The following GNAS variants were observed in gnomAD, a reference collection of about 807,000 sequenced individuals.
GNAS encodes the protein GNAS complex locus, also known as protein ALEX.
Under a neutral mutation model 54.5 loss-of-function variants are expected in GNAS, and 8 were observed. The observed-to-expected ratio is 0.15, with a 90% CI of 0.09 to 0.26. GNAS has a LOEUF of 0.26. Ranked by LOEUF, GNAS falls within the 10% of genes least tolerant of loss-of-function variation. The pLI is 1.00. For synonymous variants in GNAS, 204 were observed against 191.4 expected, an observed-to-expected ratio of 1.07 and a Z score of -0.54; for missense variants, 170 against 529.8, an observed-to-expected ratio of 0.32 and a Z score of 6.67.
intron 1 of GNAS, among the ~76,000 whole-genome samples, chr20:58,883,529 G>A (rs1030962197): frequency 1.3e-5 from 2 of 152,124 alleles, no homozygotes; most frequent in Non-Finnish European, 2.9e-5. Context: ...CTTGCCGCTT[G>A]GGCTGAATAA....
intron 1 of GNAS, among the ~76,000 whole-genome samples, chr20:58,846,701 C>G (rs376218570): frequency 3.1e-4 from 47 of 152,192 alleles, no homozygotes; most frequent in African/African-American, 9.4e-4. Context: ...CATGTGAGAG[C>G]TGGTTTCTGA....
At position 58,899,604 on chromosome 20, in the gene GNAS, C is replaced by T. The variant is rs79964176; in HGVS notation, c.257+619C>T. On this transcript the variant is annotated intron_variant, in intron 3 of 12. Transcript: ENST00000371085. Reference sequence around the variant, plus strand: ...TGATGGCATCTTTTATTTTTCCATTCATTATCAAATTATTTTTTCTTTGCT... The same window carrying T: ...TGATGGCATCTTTTATTTTTCCATTTATTATCAAATTATTTTTTCTTTGCT... 166 of 582,874 alleles carry T rather than the reference C, an allele frequency of 2.8e-4. No homozygotes were observed. The East Asian group carries it at 5.8e-3, about 20-fold the overall frequency. 36.1% of individuals were successfully genotyped at this position (582,874 alleles called of 1,614,324 possible).
intron 1 of GNAS, among the ~76,000 whole-genome samples, chr20:58,846,670 C>T (rs754823030): frequency 4.6e-5 from 7 of 152,216 alleles, no homozygotes; most frequent in Non-Finnish European, 1.0e-4. Flanking sequence ...CAGAAGACCA[C>T]GTTTCTTCTC....
At chr20:58,854,745 G>A in intron 1 of GNAS, 3 of 1,542,252 alleles carry the variant, frequency 1.9e-6, no homozygotes, top group Non-Finnish European at 8.7e-7. Flanking sequence ...TGCGCCAGAC[G>A]CAGGGGCTCC....
At chr20:58,842,098 G>C (rs1033670589) in intron 1 of GNAS, 1 of 402,214 alleles carries the variant, frequency 2.5e-6, no homozygotes, top group Non-Finnish European at 4.4e-6. Context: ...TTTTCAGCAC[G>C]GGTAGAGTTA....
At chr20:58,859,223 CAA>C (rs1306299861) in intron 1 of GNAS, among the ~76,000 whole-genome samples, 1 of 152,192 alleles carries the variant, frequency 6.6e-6, no homozygotes, top group Non-Finnish European at 1.5e-5. Context: ...TGATTTGAAA[CAA>C]AGTCTCCCTC....
chr20:58,893,975 T>C (rs1244131940), intron 1 of GNAS, among the ~76,000 whole-genome samples: 2 of 152,266 alleles, frequency 1.3e-5, no homozygotes, highest in African/African-American at 4.8e-5. Context: ...GATGTATTGA[T>C]TGCCTCTGGC....
intron 1 of GNAS, among the ~76,000 whole-genome samples, chr20:58,867,152 C>T (rs955121803): frequency 2.6e-5 from 4 of 152,108 alleles, no homozygotes; most frequent in African/African-American, 4.8e-5. Flanking sequence ...ATTTTGCCTG[C>T]GAAAGTGCAA....
intron 1 of GNAS, among the ~76,000 whole-genome samples, chr20:58,846,725 T>C (rs1358393671): frequency 6.6e-6 from 1 of 152,224 alleles, no homozygotes; most frequent in East Asian, 1.9e-4. Context: ...TCCTGGCTTA[T>C]GTCGCTGTCT....
intron 3 of GNAS, chr20:58,900,360 TA>T (rs2146107742): frequency 4.2e-6 from 1 of 237,958 alleles, no homozygotes; most frequent in African/African-American, 2.2e-5. Flanking sequence ...TGCAAGTCAA[TA>T]TAAGTATTAA....
chr20:58,840,370 C>G (rs951583745), upstream of GNAS: 1 of 1,613,336 alleles, frequency 6.2e-7, no homozygotes, highest in African/African-American at 1.3e-5. The surrounding 1 kb of genome is among the most constrained non-coding windows in gnomAD (Gnocchi z 6.0). Flanking sequence ...ACCACGAGCA[C>G]GAGGAGGCAG....
At chr20:58,898,564 AG>A in intron 2 of GNAS, 1 of 269,574 alleles carries the variant, frequency 3.7e-6, no homozygotes, top group Non-Finnish European at 7.2e-6. Context: ...TGGGAGAATT[AG>A]GAGCCTTATG....
chr20:58,908,112 G>A (rs2146252067), intron 6 of GNAS, among the ~76,000 whole-genome samples: 1 of 152,304 alleles, frequency 6.6e-6, no homozygotes, highest in East Asian at 1.9e-4. Context: ...AAAAGGAAGA[G>A]GGGAACAGAA....
At position 58,909,088 on chromosome 20, in the gene GNAS, G is replaced by A; in HGVS notation, c.531-74G>A. ...GGTCACTTCCGTTGAGCCTGACCTTGTAGAGAGACACAAATAGTTGGCAAA... is the reference window on the plus strand; with the variant it reads ...GGTCACTTCCGTTGAGCCTGACCTTATAGAGAGACACAAATAGTTGGCAAA... On this transcript the variant is annotated intron_variant, in intron 6 of 12. Coordinates refer to ENST00000371085, the MANE Select transcript of GNAS (RefSeq NM_000516.7). This position sits in a 1 kb window ranked among gnomAD's most constrained non-coding sequence, Gnocchi z 7.3. 7.9e-7 allele frequency: 1 copy of A among 1,270,468 alleles called. No homozygotes were observed. The highest frequency in any genetic ancestry group is 1.7e-5 in the Admixed American group (1 of 59,646). 78.7% of individuals were successfully genotyped at this position (1,270,468 alleles called of 1,614,324 possible).
chr20:58,895,390 T>C, intron 1 of GNAS: 1 of 546,464 alleles, frequency 1.8e-6, no homozygotes, highest in East Asian at 3.1e-5. Context: ...CTTAAATTCT[T>C]GTTTGTTATT....
chr20:58,910,552 C>T lies in GNAS; in HGVS notation c.1039-131C>T, dbSNP rs1208077863. 2.4e-6 allele frequency: 3 copies of T among 1,236,230 alleles called. No homozygotes were observed. The African/African-American group carries it at 4.4e-5, about 18-fold the overall frequency. 76.6% of individuals were successfully genotyped at this position (1,236,230 alleles called of 1,614,324 possible). On this transcript the variant is annotated intron_variant, in intron 12 of 12. Transcript: ENST00000371085. This position sits in a 1 kb window ranked among gnomAD's most constrained non-coding sequence, Gnocchi z 5.8. ...AGTGTGGATTTGAGCTCTTTGCGCC[C>T]CTCTTTTTGCTTTTGTTTTCATATG...
chr20:58,890,618 C>T (rs1289325860), upstream of GNAS: 2 of 152,314 alleles, frequency 1.3e-5, no homozygotes, highest in Admixed American at 6.5e-5. Context: ...TGGGCTGCGC[C>T]TTCTTCTCCT....
chr20:58,840,517 C>A, upstream of GNAS: 1 of 1,613,638 alleles, frequency 6.2e-7, no homozygotes, highest in Non-Finnish European at 8.5e-7. The surrounding 1 kb of genome is among the most constrained non-coding windows in gnomAD (Gnocchi z 6.0). Flanking sequence ...CCACTGAGCC[C>A]GAGACCGAGC....
At chr20:58,889,148 G>A, upstream of GNAS, 1 of 1,213,528 alleles carries the variant, frequency 8.2e-7, no homozygotes, top group Non-Finnish European at 1.1e-6. Flanking sequence ...ATCGGGGCCG[G>A]TTAGAAGCTC....
Sources: allele counts gnomAD v4.1 joint callset (sites outside exome capture counted in the v4.1 genomes callset), GRCh38; gene constraint gnomAD v4.1.1; non-coding constraint Gnocchi (gnomAD v3.1); transcripts MANE v1.5; gene names NCBI Gene and HGNC (gene_info 2026-07-23, HGNC 2026-07-21).